Variants in FMN2 observed in about 807,000 individuals in gnomAD.
FMN2 encodes formin-2.
In FMN2, 51 loss-of-function variants were observed where a neutral mutation model predicts 142.3. That is an observed-to-expected ratio of 0.36 (90% CI 0.29 to 0.45). The LOEUF is 0.45. Ranked by LOEUF, FMN2 falls within the 20% of genes least tolerant of loss-of-function variation. The probability of loss-of-function intolerance (pLI) is 1.00; values close to 1 mark genes in which losing one functional copy is unlikely to be tolerated. For synonymous variants in FMN2, 882 were observed against 869.8 expected (o/e 1.01, Z -0.25); for missense variants, 1,936 against 2,122.8 (o/e 0.91, Z 1.73).
In FMN2 at chr1:240,428,037, A is replaced by T. The variant is rs114726385; in HGVS notation, c.4911-10024A>T. Among the ~76,000 whole-genome samples, 1,025 of 151,942 alleles carry T rather than the reference A, an allele frequency of 6.7e-3. 9 individuals carry two copies. The highest frequency in any genetic ancestry group is 0.024 in the African/African-American group (975 of 41,208). ...AGAGTTATTCAATTGTGTGTTTCTTATACAGGAAATGCAGGATTCTTTCCT... is the reference window on the plus strand; with the variant it reads ...AGAGTTATTCAATTGTGTGTTTCTTTTACAGGAAATGCAGGATTCTTTCCT... On this transcript the variant is annotated intron_variant, in intron 15 of 17. Coordinates refer to ENST00000319653, the MANE Select transcript of FMN2 (RefSeq NM_020066.5).
At chr1:240,139,117 G>T (rs557247411) in intron 2 of FMN2, among the ~76,000 whole-genome samples, 1 of 152,158 alleles carries the variant, frequency 6.6e-6, no homozygotes, top group African/African-American at 2.4e-5. Context: ...GCCGGTCGGG[G>T]ACCACACTTT....
intron 15 of FMN2, among the ~76,000 whole-genome samples, chr1:240,406,268 GC>G: frequency 1.1e-5 from 1 of 89,650 alleles, no homozygotes; most frequent in Non-Finnish European, 2.3e-5. Flanking sequence ...AGTCGGGGGA[GC>G]GAAGGGAAGC....
At chr1:240,170,414 A>C in intron 2 of FMN2, 2 of 1,252,742 alleles carry the variant, frequency 1.6e-6, no homozygotes, top group Non-Finnish European at 2.3e-6. Flanking sequence ...GGAGTTGCTA[A>C]GCTGAAGGCG....
At chr1:240,299,227 C>T (rs1355563703) in intron 8 of FMN2, among the ~76,000 whole-genome samples, 4 of 152,104 alleles carry the variant, frequency 2.6e-5, no homozygotes, top group Admixed American at 1.3e-4. Context: ...GGATTACAGG[C>T]GTGAGCCACC....
At chr1:240,123,418 C>T in intron 2 of FMN2, 73 bp downstream of exon 2, 8 of 1,443,406 alleles carry the variant, frequency 5.5e-6, no homozygotes, top group Non-Finnish European at 7.4e-6. Context: ...GTGTATCTGC[C>T]CAGTCACCCT....
rs189063166 is a variant in FMN2, at chr1:240,297,544, C to T, written c.4215+2661C>T. On this transcript the variant is annotated intron_variant, in intron 8 of 17. Transcript: ENST00000319653. ...CTGGGAGGCGGAGGTTGCTGTGAGC[C>T]GAGATTGCATCACTGCACTCCAGCC... Among the ~76,000 whole-genome samples the T allele has an allele frequency of 9.4e-5, 13 of 138,372 alleles. No individual in the cohort carries two copies. The East Asian group carries it at 1.3e-3, about 14-fold the overall frequency. 90.8% of individuals were successfully genotyped at this position (138,372 alleles called of 152,430 possible).
intron 8 of FMN2, among the ~76,000 whole-genome samples, chr1:240,323,110 C>A (rs910885393): frequency 4.2e-5 from 6 of 142,552 alleles, no homozygotes; most frequent in Admixed American, 2.9e-4. Flanking sequence ...TTTTTCTTTT[C>A]TTTTTTCTTT....
chr1:240,114,652 A>ATTTGTTTT lies in FMN2; in HGVS notation c.1616-8524_1616-8523insGTTTTTTT, dbSNP rs749819049. On this transcript the variant is annotated intron_variant, in intron 1 of 17. Coordinates refer to ENST00000319653, the MANE Select transcript of FMN2 (RefSeq NM_020066.5). ...AAAATGGTGATTTTCTAATTATATC[A>ATTTGTTTT]TTTCTTTTTTTTTTTTTTTTTTGAG... Among the ~76,000 whole-genome samples the ATTTGTTTT allele has an allele frequency of 1.5e-5, 2 of 137,778 alleles. 1 individual carries two copies. 90.4% of individuals were successfully genotyped at this position (137,778 alleles called of 152,430 possible).
intron 1 of FMN2, among the ~76,000 whole-genome samples, chr1:240,097,357 C>CTT (rs534995077): frequency 1.3e-4 from 17 of 131,112 alleles, no homozygotes; most frequent in Admixed American, 3.1e-4. Context: ...TTATAGCTGC[C>CTT]TTTTTTTTTT....
chr1:240,123,226 C>G lies in FMN2; in HGVS notation c.1663C>G (p.Pro555Ala). ...KLFSQQENGP[P>A]EEAEKFCSRI... ...GTTCAGCCAGCAGGAGAACGGGCCT[C>G]CAGAAGAAGCAGAGAAGTTTTGCTC... Residue 555 changes from proline to alanine, a missense_variant, in exon 2 of 18, where the codon CCA becomes GCA. Coordinates refer to ENST00000319653, the MANE Select transcript of FMN2 (RefSeq NM_020066.5). 1 of 1,614,134 alleles carries G rather than the reference C, an allele frequency of 6.2e-7. No homozygotes were observed. The highest frequency in any genetic ancestry group is 8.5e-7 in the Non-Finnish European group (1 of 1,180,034).
At chr1:240,400,127 A>G (rs1184517113) in intron 15 of FMN2, among the ~76,000 whole-genome samples, 1 of 152,196 alleles carries the variant, frequency 6.6e-6, no homozygotes, top group Non-Finnish European at 1.5e-5. Context: ...TTTAACAGAG[A>G]GATCAAGGGA....
intron 4 of FMN2, among the ~76,000 whole-genome samples, chr1:240,205,923 TCTCA>T (rs1263227976): frequency 2.7e-5 from 4 of 146,982 alleles, no homozygotes; most frequent in African/African-American, 1.0e-4. Flanking sequence ...TGAGACAGTG[TCTCA>T]CTCTGTTTCC....
At chr1:240,136,846 G>A (rs867364618) in intron 2 of FMN2, among the ~76,000 whole-genome samples, 1 of 152,030 alleles carries the variant, frequency 6.6e-6, no homozygotes. Flanking sequence ...GCCAAGGTGG[G>A]CGGAGCACAA....
intron 3 of FMN2, among the ~76,000 whole-genome samples, chr1:240,184,945 C>CCTGCCCCTTCTCTTTCTCCCTCCTATAA (rs1665345221): frequency 2.8e-5 from 4 of 140,932 alleles, no homozygotes; most frequent in Admixed American, 7.0e-5. Context: ...CCCTCCTATA[C>CCTGCCCCTTCTCTTTCTCCCTCCTATAA]CTTCCCCTTC....
At chr1:240,463,199 A>AT (rs145535017) in intron 16 of FMN2, among the ~76,000 whole-genome samples, 29,425 of 152,148 alleles carry the variant, frequency 0.19, 3,091 homozygotes, top group Middle Eastern at 0.28. Flanking sequence ...TCTGCAGGGT[A>AT]TGGCACTGGT....
At chr1:240,275,642 T>C (rs749000775) in intron 7 of FMN2, among the ~76,000 whole-genome samples, 38 of 152,166 alleles carry the variant, frequency 2.5e-4, no homozygotes, top group Non-Finnish European at 4.9e-4. Flanking sequence ...GTATTTCTGG[T>C]TCTGGGTCCT....
intron 2 of FMN2, among the ~76,000 whole-genome samples, chr1:240,147,308 T>C (rs1663529886): frequency 1.3e-5 from 2 of 152,206 alleles, no homozygotes; most frequent in South Asian, 4.1e-4. Flanking sequence ...CCACGAAGGC[T>C]GACTCTACAT....
chr1:240,181,911 C>A (rs996397829), intron 3 of FMN2, among the ~76,000 whole-genome samples: 3 of 152,162 alleles, frequency 2.0e-5, no homozygotes, highest in African/African-American at 7.2e-5. Context: ...CCCATGACAT[C>A]CTATTCATCT....
At chr1:240,223,928 A>G (rs1443338421) in intron 6 of FMN2, among the ~76,000 whole-genome samples, 1 of 152,078 alleles carries the variant, frequency 6.6e-6, no homozygotes, top group African/African-American at 2.4e-5. Context: ...TTTAAAAAAC[A>G]CCAGCTCCTG....
Sources: allele counts gnomAD v4.1 joint callset (sites outside exome capture counted in the v4.1 genomes callset), GRCh38; gene constraint gnomAD v4.1.1; transcripts MANE v1.5; gene names NCBI Gene and HGNC (gene_info 2026-07-23, HGNC 2026-07-21).